The following PCDHGB3 variants were observed in gnomAD, a reference collection of about 807,000 sequenced individuals.
PCDHGB3 encodes protocadherin gamma-B3.
In PCDHGB3, 40 loss-of-function variants were observed where a neutral mutation model predicts 59.2. That is an observed-to-expected ratio of 0.68 (90% confidence interval 0.52 to 0.88). The LOEUF (loss-of-function observed/expected upper bound fraction) is 0.88, where lower values mean the gene tolerates loss of function less well. Among genes scored for constraint, PCDHGB3 ranks in the 40% least tolerant of loss-of-function variants. PCDHGB3 has a pLI of 0.00. For missense variants in PCDHGB3, 1,309 were observed against 1,187.9 expected (o/e 1.10, Z -1.50); for synonymous variants, 581 against 503.6 (o/e 1.15, Z -2.06).
chr5:141,445,093 A>G (rs987863232), intron 1 of PCDHGB3, among the ~76,000 whole-genome samples: 2 of 152,168 alleles, frequency 1.3e-5, no homozygotes, highest in Non-Finnish European at 2.9e-5. Flanking sequence ...TACATATTTG[A>G]TGTTTTCTAA....
In PCDHGB3 at chr5:141,493,548, G is replaced by A. The variant is rs1243278355; in HGVS notation, c.2416-1259G>A. 3.9e-5 allele frequency among the ~76,000 whole-genome samples: 6 copies of A among 152,196 alleles called. No homozygotes were observed. ...AAACTTGGCCAGTTATCCTTTTGGA[G>A]ATTGAGTTCCCCCAGCTCCGTTTCC... On this transcript the variant is annotated intron_variant, in intron 1 of 3. Coordinates refer to ENST00000576222, the MANE Select transcript of PCDHGB3 (RefSeq NM_018924.5). This position sits in a 1 kb window ranked among gnomAD's most constrained non-coding sequence, Gnocchi z 4.3.
chr5:141,408,655 A>G (rs778418746), intron 1 of PCDHGB3: 1 of 1,613,928 alleles, frequency 6.2e-7, no homozygotes, highest in African/African-American at 1.3e-5. Flanking sequence ...CTGGTACACG[A>G]CTATCGCTTG....
chr5:141,393,565 T>G, intron 1 of PCDHGB3: 1 of 1,613,912 alleles, frequency 6.2e-7, no homozygotes, highest in Non-Finnish European at 8.5e-7. Context: ...CGAGTGAAAG[T>G]CCTTGAGAAC....
chr5:141,431,265 G>A lies in PCDHGB3; in HGVS notation c.2415+58456G>A. 2 of 1,614,168 alleles carry A rather than the reference G, an allele frequency of 1.2e-6. No homozygotes were observed. On this transcript the variant is annotated intron_variant, in intron 1 of 3. Transcript: ENST00000576222. This position sits in a 1 kb window ranked among gnomAD's most constrained non-coding sequence, Gnocchi z 4.8. ...GATATCGGGAAGAACTCTCTGCAGA[G>A]CTACGAGCTCAGCCCGAACACTCAC...
chr5:141,371,279 C>G lies in PCDHGB3; in HGVS notation c.885C>G (p.Asp295Glu), dbSNP rs1206885550. ...GKEVRQLFKL[D>E]SKTGELTTIG... ...AAGTGAGACAACTGTTCAAGCTGGA[C>G]AGTAAAACGGGGGAACTCACCACTA... The change falls in exon 1 of 4, where the codon GAC (aspartate) becomes GAG (glutamate). Residue 295 changes from aspartate to glutamate, a missense_variant. Physicochemically the swap from Asp to Glu is conservative, Grantham distance 45 (BLOSUM62 2). Transcript: ENST00000576222. 3 of 1,613,900 alleles carry G rather than the reference C, an allele frequency of 1.9e-6. No homozygotes were observed. In the African/African-American group the frequency reaches 4.0e-5, roughly 22 times the overall value.
rs1342481070 is a variant in PCDHGB3 at position 141,485,056 on chromosome 5, C to T, written c.2416-9751C>T. 8 of 840,338 alleles carry T rather than the reference C, an allele frequency of 9.5e-6. No homozygotes were observed. The Admixed American group carries it at 1.9e-4, about 20-fold the overall frequency. 52.1% of individuals were successfully genotyped at this position (840,338 alleles called of 1,614,324 possible). A position where few individuals can be genotyped will look rare whatever the true frequency, so the allele number is the denominator to read the frequency against. The stretch of plus-strand genomic sequence containing the variant: ...CGTAACCCTTGCGGCGCCGGCCGAA[C>T]CGCGCCAGAGCTGGCGCGGGGAAAG... On this transcript the variant is annotated intron_variant, in intron 1 of 3. Transcript: ENST00000576222. The surrounding 1 kb of genome is among the most constrained non-coding windows in gnomAD (Gnocchi z 5.7).
chr5:141,371,382 T>A lies in PCDHGB3; in HGVS notation c.988T>A (p.Tyr330Asn), dbSNP rs774974302. Residue 330 changes from tyrosine (Y) to asparagine (N), a missense_variant, in exon 1 of 4, where the codon TAT becomes AAT. Tyr to Asn is a moderately radical substitution (Grantham distance 143). Transcript: ENST00000576222. ...EAKDGGHHTA[Y>N]CKVQIDISDE... is the part of the protein sequence containing the mutation. Reference sequence around the variant, plus strand: ...AAAGGATGGTGGACATCACACTGCATATTGTAAAGTACAGATAGATATTTC... The same window carrying A: ...AAAGGATGGTGGACATCACACTGCAAATTGTAAAGTACAGATAGATATTTC... 6.2e-7 allele frequency: 1 copy of A among 1,613,888 alleles called. No homozygotes were observed. Among genetic ancestry groups the A allele is most frequent in the Non-Finnish European group, 8.5e-7 (1 of 1,179,898 alleles).
In PCDHGB3 at chr5:141,485,354, G is replaced by C; in HGVS notation, c.2416-9453G>C. 7 of 1,614,176 alleles carry C rather than the reference G, an allele frequency of 4.3e-6. No homozygotes were observed. Among genetic ancestry groups the C allele is most frequent in the Non-Finnish European group, 5.1e-6 (6 of 1,180,024 alleles). Reference sequence around the variant, plus strand: ...CCTGCTGGATACGGACAGTCTGTCAGCTCGCAGGCTGCAGGTCGCTGGAGA... The same window carrying C: ...CCTGCTGGATACGGACAGTCTGTCACCTCGCAGGCTGCAGGTCGCTGGAGA... On this transcript the variant is annotated intron_variant, in intron 1 of 3. Transcript: ENST00000576222. This position sits in a 1 kb window ranked among gnomAD's most constrained non-coding sequence, Gnocchi z 5.7.
At chr5:141,502,169 G>A (rs1366413076) in intron 2 of PCDHGB3, among the ~76,000 whole-genome samples, 1 of 152,110 alleles carries the variant, frequency 6.6e-6, no homozygotes, top group African/African-American at 2.4e-5. Flanking sequence ...ATTCAGTTGA[G>A]GAATTTAACA....
intron 1 of PCDHGB3, chr5:141,441,982 G>T: frequency 3.6e-6 from 1 of 277,096 alleles, no homozygotes; most frequent in South Asian, 3.6e-5. Flanking sequence ...CCTGGAATGC[G>T]CACCGACGAG....
At chr5:141,463,653 G>T (rs1378583183) in intron 1 of PCDHGB3, among the ~76,000 whole-genome samples, 1 of 151,764 alleles carries the variant, frequency 6.6e-6, no homozygotes. Context: ...GGGTTTCACC[G>T]TGTTAGCCAG....
At chr5:141,403,159 A>G (rs778714191) in intron 1 of PCDHGB3, 2 of 1,614,002 alleles carry the variant, frequency 1.2e-6, no homozygotes, top group East Asian at 4.5e-5. Context: ...TCGTCTCTAG[A>G]GGTAGGACGC....
At chr5:141,374,020 G>T in intron 1 of PCDHGB3, 1 of 1,408,826 alleles carries the variant, frequency 7.1e-7, no homozygotes, top group Non-Finnish European at 9.3e-7. Context: ...TCTGAGAAGA[G>T]CAAAAGTGAT....
At chr5:141,421,164 A>C (rs1304650780) in intron 1 of PCDHGB3, 9 of 1,286,298 alleles carry the variant, frequency 7.0e-6, no homozygotes, top group Non-Finnish European at 9.4e-6. Context: ...GACTTCATAG[A>C]TACATAAGCC....
intron 1 of PCDHGB3, chr5:141,418,614 G>C: frequency 1.2e-6 from 2 of 1,613,994 alleles, no homozygotes; most frequent in Non-Finnish European, 1.7e-6. Flanking sequence ...GTTAGCCTTC[G>C]GGAAGACGTG....
chr5:141,477,569 G>A lies in PCDHGB3; in HGVS notation c.2416-17238G>A. The A allele has an allele frequency of 6.2e-7, 1 of 1,614,104 alleles. No homozygotes were observed. Among genetic ancestry groups the A allele is most frequent in the Non-Finnish European group, 8.5e-7 (1 of 1,180,024 alleles). On this transcript the variant is annotated intron_variant, in intron 1 of 3. Coordinates refer to ENST00000576222, the MANE Select transcript of PCDHGB3 (RefSeq NM_018924.5). This position sits in a 1 kb window ranked among gnomAD's most constrained non-coding sequence, Gnocchi z 4.9. ...ACTAAACCTAAGTGTCTGGGACCCC[G>A]ACGCCCCGCAGAATGCTCGGCTTTC...
chr5:141,487,616 G>A lies in PCDHGB3; in HGVS notation c.2416-7191G>A. On this transcript the variant is annotated intron_variant, in intron 1 of 3. Transcript: ENST00000576222. This position sits in a 1 kb window ranked among gnomAD's most constrained non-coding sequence, Gnocchi z 5.0. ...CTCTGATCTTCTCTATGGGCTAGAG[G>A]TGAGACCTTTGCAGGCTCAACAAAT... 2 of 1,614,220 alleles carry A rather than the reference G, an allele frequency of 1.2e-6. No homozygotes were observed. The highest frequency in any genetic ancestry group is 1.7e-6 in the Non-Finnish European group (2 of 1,180,044).
chr5:141,397,738 C>T (rs1211172946), intron 1 of PCDHGB3, among the ~76,000 whole-genome samples: 1 of 152,162 alleles, frequency 6.6e-6, no homozygotes, highest in East Asian at 1.9e-4. Flanking sequence ...AGAAAGATAC[C>T]TTAAAGAAGT....
At chr5:141,392,732 T>C in intron 1 of PCDHGB3, 1 of 1,414,588 alleles carries the variant, frequency 7.1e-7, no homozygotes. Context: ...AGGATTGTCA[T>C]CTCCATAGCT....
Sources: allele counts gnomAD v4.1 joint callset (sites outside exome capture counted in the v4.1 genomes callset), GRCh38; gene constraint gnomAD v4.1.1; non-coding constraint Gnocchi (gnomAD v3.1); transcripts MANE v1.5; gene names NCBI Gene and HGNC (gene_info 2026-07-23, HGNC 2026-07-21).